The following PCDH15 variants were observed in gnomAD, a reference collection of about 807,000 sequenced individuals.
The protein encoded by PCDH15 is protocadherin related 15, also known as protocadherin-15.
A neutral mutation model predicts 178.5 loss-of-function variants in PCDH15; 129 were observed. The ratio of observed to expected loss-of-function variants is 0.72; its 90% CI spans 0.63 to 0.84. The LOEUF is 0.84. PCDH15 is among the 40% of genes least tolerant of loss of function. The pLI, the probability that PCDH15 is intolerant of heterozygous loss-of-function variation, is 0.00. For missense variants in PCDH15, 2,230 were observed against 2,099.9 expected (o/e 1.06, Z -1.21); for synonymous variants, 800 against 732.0 (o/e 1.09, Z -1.50).
chr10:55,573,212 T>C (rs1352622456), intron 2 of PCDH15, among the ~76,000 whole-genome samples: 2 of 152,048 alleles, frequency 1.3e-5, no homozygotes, highest in African/African-American at 4.8e-5. Context: ...ATGACAAAAA[T>C]TCTAAAAATG....
intron 20 of PCDH15, among the ~76,000 whole-genome samples, chr10:54,014,096 G>T (rs369057198): frequency 2.0e-5 from 3 of 151,962 alleles, no homozygotes; most frequent in South Asian, 2.1e-4. Flanking sequence ...CATTACCACT[G>T]ACCCCACAGA....
In PCDH15 at chr10:53,840,464, G is replaced by A. The variant is rs945524551; in HGVS notation, c.3839C>T (p.Pro1280Leu). The change falls in exon 29 of 38, where the codon CCT (proline) becomes CTT (leucine). Residue 1280 changes from proline (P) to leucine (L), a missense_variant. Pro to Leu is a moderately conservative substitution (Grantham distance 98, BLOSUM62 -3). Coordinates refer to ENST00000644397, the MANE Select transcript of PCDH15 (RefSeq NM_001384140.1). Reference protein sequence around the residue: ...ILDRYVQEQIPGAKVVVESIG... With the variant: ...ILDRYVQEQILGAKVVVESIG... ...GGACTCCACTACGACCTTGGCACCA[G>A]GAATTTGTTCCTGAACATAGCGATC... 1 of 1,614,068 alleles carries A rather than the reference G, an allele frequency of 6.2e-7. No individual in the cohort carries two copies. The highest frequency in any genetic ancestry group is 8.5e-7 in the Non-Finnish European group (1 of 1,179,996).
intron 15 of PCDH15, among the ~76,000 whole-genome samples, chr10:54,111,992 A>AC (rs2095033708): frequency 7.4e-6 from 1 of 134,366 alleles, no homozygotes; most frequent in South Asian, 2.7e-4. Flanking sequence ...AAAAAACAAA[A>AC]CTTAGCTTAG....
intron 2 of PCDH15, among the ~76,000 whole-genome samples, chr10:54,919,419 A>G (rs1591783572): frequency 1.3e-5 from 2 of 152,264 alleles, no homozygotes; most frequent in Admixed American, 1.3e-4. Flanking sequence ...CACGTTTTGT[A>G]CTTGATTTAC....
intron 1 of PCDH15, among the ~76,000 whole-genome samples, chr10:55,225,231 C>G (rs1044514392): frequency 2.0e-5 from 3 of 151,978 alleles, no homozygotes; most frequent in African/African-American, 7.3e-5. Flanking sequence ...ATTTCCCCAA[C>G]TGATAGATGA....
At chr10:54,577,859 TAAATAAATAAATAAA>T (rs1565647709) in intron 2 of PCDH15, among the ~76,000 whole-genome samples, 45 of 105,074 alleles carry the variant, frequency 4.3e-4, no homozygotes, top group Non-Finnish European at 8.6e-4. Context: ...AATGAATAAA[TAAATAAATAAATAAA>T]TAAATAAATA....
chr10:54,611,895 G>A (rs575341703), intron 2 of PCDH15, among the ~76,000 whole-genome samples: 1 of 151,812 alleles, frequency 6.6e-6, no homozygotes, highest in African/African-American at 2.4e-5. Flanking sequence ...TTGTATGATT[G>A]TATGAATGAT....
chr10:53,894,140 A>G (rs1367482211), intron 26 of PCDH15, among the ~76,000 whole-genome samples: 2 of 152,208 alleles, frequency 1.3e-5, no homozygotes, highest in Non-Finnish European at 2.9e-5. Flanking sequence ...TGATGGGAAA[A>G]CATAATGTCT....
intron 20 of PCDH15, among the ~76,000 whole-genome samples, chr10:53,998,579 T>A (rs371330765): frequency 2.8e-4 from 42 of 152,078 alleles, no homozygotes; most frequent in African/African-American, 9.9e-4. Context: ...AACTTGCTGG[T>A]AAGTTTGTAA....
At chr10:55,099,652 G>A (rs1842529605) in intron 2 of PCDH15, among the ~76,000 whole-genome samples, 1 of 151,890 alleles carries the variant, frequency 6.6e-6, no homozygotes, top group Non-Finnish European at 1.5e-5. Flanking sequence ...CTGGATAACA[G>A]AACCATGTCA....
At chr10:54,761,126 G>A (rs1312389432) in intron 1 of PCDH15, among the ~76,000 whole-genome samples, 3 of 151,886 alleles carry the variant, frequency 2.0e-5, no homozygotes, top group African/African-American at 7.3e-5. Context: ...TTTCAGGCTG[G>A]GTTTCTTAAT....
intron 2 of PCDH15, among the ~76,000 whole-genome samples, chr10:54,648,625 G>A (rs1405764454): frequency 6.6e-6 from 1 of 152,010 alleles, no homozygotes; most frequent in African/African-American, 2.4e-5. Context: ...TGTGGATGAA[G>A]GTATATGGTA....
At chr10:53,809,563 T>C (rs1256807669) in intron 37 of PCDH15, 2 of 1,603,472 alleles carry the variant, frequency 1.2e-6, no homozygotes, top group East Asian at 4.5e-5. Context: ...ATTGTGAAAA[T>C]GCAATTGAAG....
At chr10:54,415,934 G>T (rs1331758057) in intron 3 of PCDH15, among the ~76,000 whole-genome samples, 1 of 151,890 alleles carries the variant, frequency 6.6e-6, no homozygotes, top group African/African-American at 2.4e-5. Context: ...AATTTAAGGA[G>T]GTGAATAGGT....
At position 54,195,725 on chromosome 10, in the gene PCDH15, A is replaced by G. The variant is rs7921598; in HGVS notation, c.1263T>C (p.Thr421=). 0.15 allele frequency: 239,009 copies of G among 1,613,080 alleles called. 23,428 individuals are homozygous for G. Among genetic ancestry groups the G allele is most frequent in the African/African-American group, 0.5 (37,086 of 74,856 alleles). Residue 421 remains threonine (T), a synonymous_variant, in exon 11 of 38, where the codon ACT becomes ACC. Transcript: ENST00000644397. ...GATISDSLNL[T]SPLRIVALDK... is the part of the protein sequence containing the mutation. ...CCAGAGCTACTATTCTTAAAGGTGA[A>G]GTCAAATTGAGACTGTCCGAAATGG...
chr10:53,899,142 C>CA (rs138251670), intron 26 of PCDH15, among the ~76,000 whole-genome samples: 2 of 139,768 alleles, frequency 1.4e-5, no homozygotes, highest in South Asian at 2.4e-4. Flanking sequence ...TACTTTTTTT[C>CA]GGGGGGGGGT....
chr10:55,478,228 T>A (rs1227388528), intron 2 of PCDH15, among the ~76,000 whole-genome samples: 1 of 151,742 alleles, frequency 6.6e-6, no homozygotes, highest in Non-Finnish European at 1.5e-5. Flanking sequence ...GTATGAGACT[T>A]CAGCATCCCA....
chr10:55,413,816 G>T (rs1429999663), intron 2 of PCDH15, among the ~76,000 whole-genome samples: 2 of 151,192 alleles, frequency 1.3e-5, no homozygotes, highest in Non-Finnish European at 3.0e-5. Context: ...ATTTTTTTTA[G>T]GTTAGAGAAA....
intron 8 of PCDH15, among the ~76,000 whole-genome samples, chr10:54,258,594 A>G (rs1329984910): frequency 6.6e-6 from 1 of 152,192 alleles, no homozygotes; most frequent in African/African-American, 2.4e-5. Context: ...CATATAAAAC[A>G]AACCTTGTGT....
Sources: allele counts gnomAD v4.1 joint callset (sites outside exome capture counted in the v4.1 genomes callset), GRCh38; gene constraint gnomAD v4.1.1; transcripts MANE v1.5; gene names NCBI Gene and HGNC (gene_info 2026-07-23, HGNC 2026-07-21).